The following TECTA variants were observed in gnomAD, a reference collection of about 807,000 sequenced individuals.
TECTA encodes the protein tectorin alpha, also known as alpha-tectorin.
TECTA carries 128 observed loss-of-function variants against 216.8 expected under a neutral mutation model. That is an observed-to-expected ratio of 0.59 (90% confidence interval 0.51 to 0.68). The LOEUF is 0.68. Ranked by LOEUF, TECTA falls within the 30% of genes least tolerant of loss-of-function variation. TECTA has a pLI of 0.00. For missense variants in TECTA, 2,551 were observed against 2,786.2 expected (o/e 0.92, Z 1.90); for synonymous variants, 1,089 against 1,117.1 (o/e 0.97, Z 0.50).
chr11:121,189,413 G>A (rs1301172178), intron 22 of TECTA, among the ~76,000 whole-genome samples: 1 of 148,758 alleles, frequency 6.7e-6, no homozygotes, highest in South Asian at 2.1e-4. Flanking sequence ...TTTCTCTGTC[G>A]CCCAAGCTGG....
rs1946745456 is a variant in TECTA, at chr11:121,137,745, T to C, written c.3266T>C (p.Leu1089Pro). Residue 1089 changes from leucine (L) to proline (P), a missense_variant, in exon 11 of 24, where the codon CTG (leucine) becomes CCG (proline). Coordinates refer to ENST00000392793, the MANE Select transcript of TECTA (RefSeq NM_005422.4). ...DDEYCMEEGG[L>P]YYCQARTDAS... ...GAGTACTGCATGGAGGAAGGTGGCC[T>C]GTACTACTGCCAAGCCCGCACCGAC... 1 of 1,614,146 alleles carries C rather than the reference T, an allele frequency of 6.2e-7. No individual in the cohort carries two copies. The highest frequency in any genetic ancestry group is 8.5e-7 in the Non-Finnish European group (1 of 1,180,040).
intron 12 of TECTA, among the ~76,000 whole-genome samples, chr11:121,152,525 G>A (rs553548594): frequency 6.6e-6 from 1 of 152,334 alleles, no homozygotes; most frequent in Admixed American, 6.5e-5. Flanking sequence ...GGCAGGAGGA[G>A]TGTGGGTGCC....
At chr11:121,186,440 G>T (rs1339493768) in intron 20 of TECTA, among the ~76,000 whole-genome samples, 2 of 152,218 alleles carry the variant, frequency 1.3e-5, no homozygotes, top group Non-Finnish European at 2.9e-5. Flanking sequence ...AGCCATTCCT[G>T]CCTCTCTATG....
At position 121,113,912 on chromosome 11, in the gene TECTA, C is replaced by G. The variant is rs752696108; in HGVS notation, c.790+194C>G. On this transcript the variant is annotated intron_variant, in intron 6 of 23. Coordinates refer to ENST00000392793, the MANE Select transcript of TECTA (RefSeq NM_005422.4). The surrounding 1 kb of genome is among the most constrained non-coding windows in gnomAD (Gnocchi z 4.2). Reference sequence around the variant, plus strand: ...GAAGCTAAAACACTGCATTCACTACCTTGTGGCTTTGGAAGTCCTTTTCTG... The same window carrying G: ...GAAGCTAAAACACTGCATTCACTACGTTGTGGCTTTGGAAGTCCTTTTCTG... Among the ~76,000 whole-genome samples the G allele has an allele frequency of 1.3e-5, 2 of 152,182 alleles. No homozygotes were observed. The highest frequency in any genetic ancestry group is 2.9e-5 in the Non-Finnish European group (2 of 68,020).
chr11:121,153,192 T>C lies in TECTA; in HGVS notation c.4305+112T>C, dbSNP rs565655577. The C allele has an allele frequency of 8.4e-6, 11 of 1,312,852 alleles. No individual in the cohort carries two copies. The South Asian group carries it at 1.1e-4, about 14-fold the overall frequency. 81.3% of individuals were successfully genotyped at this position (1,312,852 alleles called of 1,614,324 possible). On this transcript the variant is annotated intron_variant, in intron 13 of 23. Coordinates refer to ENST00000392793, the MANE Select transcript of TECTA (RefSeq NM_005422.4). ...TCCCACTTCATTATGAAGAGCGTCG[T>C]GTTCGTGGCAGGGGAATGGGATGGG...
intron 11 of TECTA, chr11:121,140,819 C>T (rs1422115060): frequency 1.3e-5 from 2 of 152,258 alleles, no homozygotes; most frequent in African/African-American, 2.4e-5. Flanking sequence ...TTTAAGTACA[C>T]CGTTCATTGG....
intron 11 of TECTA, among the ~76,000 whole-genome samples, chr11:121,141,664 T>G (rs1215991149): frequency 2.0e-5 from 3 of 152,164 alleles, no homozygotes; most frequent in Admixed American, 6.5e-5. Context: ...ACAGGGAGGT[T>G]TTCAGGGCTC....
intron 20 of TECTA, among the ~76,000 whole-genome samples, chr11:121,182,105 A>G (rs1435127324): frequency 2.0e-5 from 3 of 151,872 alleles, no homozygotes; most frequent in African/African-American, 7.3e-5. Context: ...GTCCTCGGGT[A>G]CCAGTGGTGG....
chr11:121,168,632 G>A (rs767280642), intron 19 of TECTA, 45 bp from the exon 20 acceptor site: 1 of 1,613,906 alleles, frequency 6.2e-7, no homozygotes, highest in Non-Finnish European at 8.5e-7. Context: ...AATTGAATAG[G>A]TAACATTGTT....
intron 11 of TECTA, among the ~76,000 whole-genome samples, chr11:121,140,110 C>T (rs1036935215): frequency 6.6e-5 from 10 of 152,160 alleles, no homozygotes; most frequent in African/African-American, 1.9e-4. Flanking sequence ...GTAATCTCTT[C>T]ATGGGTCCTG....
rs1947336041 is a variant in TECTA, at chr11:121,191,055, G to A, written c.*249G>A. ...TCTTGTGTAAAATTCCCAAACAGTTGTCACTAGAGACTTTGGTTCACATGA... is the reference window on the plus strand; with the variant it reads ...TCTTGTGTAAAATTCCCAAACAGTTATCACTAGAGACTTTGGTTCACATGA... On this transcript the variant is annotated 3_prime_UTR_variant, in exon 24 of 24. Coordinates refer to ENST00000392793, the MANE Select transcript of TECTA (RefSeq NM_005422.4). The A allele has an allele frequency of 2.5e-5, 10 of 403,376 alleles. No homozygotes were observed. The highest frequency in any genetic ancestry group is 4.7e-5 in the Non-Finnish European group (10 of 214,702). The allele number at this position is 403,376 out of a possible 1,614,324, so 25.0% of individuals were successfully genotyped here. A position where few individuals can be genotyped will look rare whatever the true frequency, so the allele number is the denominator to read the frequency against.
At chr11:121,174,197 A>G (rs1947141213) in intron 20 of TECTA, among the ~76,000 whole-genome samples, 1 of 151,584 alleles carries the variant, frequency 6.6e-6, no homozygotes, top group African/African-American at 2.4e-5. Context: ...TCTCCTGCCT[A>G]ATTGCCCTGG....
chr11:121,104,629 C>CTGT (rs1946375146), intron 2 of TECTA, among the ~76,000 whole-genome samples: 1 of 152,122 alleles, frequency 6.6e-6, no homozygotes, highest in Non-Finnish European at 1.5e-5. Context: ...TTTACATGAG[C>CTGT]TGTTGTCTGT....
intron 8 of TECTA, among the ~76,000 whole-genome samples, chr11:121,126,145 C>T (rs1946610213): frequency 6.6e-6 from 1 of 152,220 alleles, no homozygotes; most frequent in African/African-American, 2.4e-5. Flanking sequence ...GGGACGGCAG[C>T]TCCAGAGTTG....
intron 12 of TECTA, among the ~76,000 whole-genome samples, chr11:121,152,279 T>C (rs931373971): frequency 3.3e-5 from 5 of 152,268 alleles, no homozygotes; most frequent in African/African-American, 1.2e-4. Flanking sequence ...ACACACGGTG[T>C]ACATTTGCCT....
At chr11:121,103,328 G>A (rs1244795207) in intron 2 of TECTA, among the ~76,000 whole-genome samples, 1 of 152,122 alleles carries the variant, frequency 6.6e-6, no homozygotes, top group Admixed American at 6.5e-5. Context: ...AGACGGGGCG[G>A]TCTACGTAGA....
intron 17 of TECTA, 84 bp from the exon 18 acceptor site, chr11:121,166,494 A>G: frequency 1.4e-6 from 2 of 1,419,846 alleles, no homozygotes; most frequent in South Asian, 1.2e-5. Flanking sequence ...CTTCTAAAGG[A>G]GAATGGAAAT....
chr11:121,121,512 C>G (rs997518370), intron 7 of TECTA, among the ~76,000 whole-genome samples: 1 of 152,146 alleles, frequency 6.6e-6, no homozygotes, highest in African/African-American at 2.4e-5. Flanking sequence ...ATCTCCTGCT[C>G]TAAGCACTGT....
intron 6 of TECTA, among the ~76,000 whole-genome samples, chr11:121,115,446 C>T (rs1946492468): frequency 6.6e-6 from 1 of 152,142 alleles, no homozygotes; most frequent in African/African-American, 2.4e-5. Flanking sequence ...CAGCATAAGA[C>T]ATATTATGGT....
Sources: allele counts gnomAD v4.1 joint callset (sites outside exome capture counted in the v4.1 genomes callset), GRCh38; gene constraint gnomAD v4.1.1; non-coding constraint Gnocchi (gnomAD v3.1); transcripts MANE v1.5; gene names NCBI Gene and HGNC (gene_info 2026-07-23, HGNC 2026-07-21).